RNF34: variants seen among roughly 807,000 people sequenced by gnomAD.
RNF34 encodes E3 ubiquitin-protein ligase RNF34.
In RNF34, 12 loss-of-function variants were observed where a neutral mutation model predicts 37.9. The observed-to-expected ratio is 0.32, with a 90% CI of 0.20 to 0.51. The LOEUF is 0.51. Among genes scored for constraint, RNF34 ranks in the 20% least tolerant of loss-of-function variants. RNF34 has a pLI of 0.97. For missense variants in RNF34, 362 were observed against 472.7 expected (o/e 0.77, Z 2.17); for synonymous variants, 155 against 177.2 (o/e 0.87, Z 1.00).
intron 3 of RNF34, among the ~76,000 whole-genome samples, chr12:121,419,691 G>A (rs1555282919): frequency 6.6e-6 from 1 of 152,172 alleles, no homozygotes. Context: ...AGAGATTTGT[G>A]TTTTCTAAAG....
At chr12:121,404,387 C>CTTTTTTTTTTTTTTTTT (rs782225104) in intron 1 of RNF34, among the ~76,000 whole-genome samples, 1 of 65,824 alleles carries the variant, frequency 1.5e-5, no homozygotes, top group African/African-American at 7.4e-5. Flanking sequence ...GTCATTTAAT[C>CTTTTTTTTTTTTTTTTT]TTTTTTTTTT....
chr12:121,423,879 ACACT>A lies in RNF34; in HGVS notation c.*304_*307del. On this transcript the variant is annotated 3_prime_UTR_variant, in exon 6 of 6. Coordinates refer to ENST00000361234, the MANE Select transcript of RNF34 (RefSeq NM_025126.4). This position sits in a 1 kb window ranked among gnomAD's most constrained non-coding sequence, Gnocchi z 4.3. ...CATCAGCCACTGCTGTCTTGGGAGGACACTTATCCTGTTCTCTTATTTCCCCTTC... is the reference window on the plus strand; with the variant it reads ...CATCAGCCACTGCTGTCTTGGGAGGATATCCTGTTCTCTTATTTCCCCTTC... 6.5e-6 allele frequency: 2 copies of A among 308,250 alleles called. No homozygotes were observed. Among genetic ancestry groups the A allele is most frequent in the Non-Finnish European group, 1.2e-5 (2 of 164,582 alleles). The allele number at this position is 308,250 out of a possible 1,614,324, so 19.1% of individuals were successfully genotyped here.
intron 1 of RNF34, among the ~76,000 whole-genome samples, chr12:121,414,669 CTGTTGT>C (rs199659743): frequency 1.3e-5 from 2 of 152,066 alleles, no homozygotes; most frequent in African/African-American, 4.8e-5. Context: ...AAATACTTTC[CTGTTGT>C]TGTTGTTGTT....
chr12:121,403,520 C>T (rs1362254871), intron 1 of RNF34, among the ~76,000 whole-genome samples: 2 of 151,920 alleles, frequency 1.3e-5, no homozygotes, highest in African/African-American at 4.8e-5. Context: ...ACTGTAAAAC[C>T]GATTATTTTA....
At chr12:121,421,535 TCAAAA>T (rs368894148) in intron 5 of RNF34, among the ~76,000 whole-genome samples, 127 of 152,112 alleles carry the variant, frequency 8.3e-4, no homozygotes, top group Middle Eastern at 3.4e-3. Flanking sequence ...CAAGACTGTC[TCAAAA>T]CAAAACAAAA....
intron 5 of RNF34, among the ~76,000 whole-genome samples, chr12:121,421,533 T>G (rs1872164502): frequency 6.6e-6 from 1 of 151,914 alleles, no homozygotes; most frequent in African/African-American, 2.4e-5. Flanking sequence ...AGCAAGACTG[T>G]CTCAAAACAA....
intron 1 of RNF34, among the ~76,000 whole-genome samples, chr12:121,408,126 C>G (rs917022049): frequency 6.6e-6 from 1 of 151,998 alleles, no homozygotes; most frequent in Non-Finnish European, 1.5e-5. Context: ...GGCAGCATAT[C>G]AAGACCCCGT....
At chr12:121,418,587 G>A (rs1010706657) in intron 3 of RNF34, 7 of 152,368 alleles carry the variant, frequency 4.6e-5, no homozygotes, top group African/African-American at 1.7e-4. Flanking sequence ...TGGATGCGGT[G>A]GTGTGAGCCT....
At chr12:121,421,670 TA>T (rs2137179889) in intron 5 of RNF34, among the ~76,000 whole-genome samples, 1 of 152,348 alleles carries the variant, frequency 6.6e-6, no homozygotes, top group African/African-American at 2.4e-5. Flanking sequence ...CAGTTGTATT[TA>T]TTTTTTTCTT....
Position 121,413,464 on chromosome 12 carries a change from T to C in RNF34, c.7-2695T>C, listed in dbSNP as rs552570553. ...TTTTGCTCTTTTGCCCAAGCTGGAG[T>C]GCGGTGGCACAATCTTGGTTCACTG... On this transcript the variant is annotated intron_variant, in intron 1 of 5. Coordinates refer to ENST00000361234, the MANE Select transcript of RNF34 (RefSeq NM_025126.4). Among the ~76,000 whole-genome samples the C allele has an allele frequency of 2.8e-5, 4 of 141,494 alleles. No homozygotes were observed. The South Asian group carries it at 9.4e-4, about 33-fold the overall frequency. 92.8% of individuals were successfully genotyped at this position (141,494 alleles called of 152,430 possible).
Position 121,400,197 on chromosome 12 carries a change from T to C in RNF34, c.-16T>C, listed in dbSNP as rs1555279826. The C allele has an allele frequency of 3.7e-6, 6 of 1,608,792 alleles. No individual in the cohort carries two copies. Among genetic ancestry groups the C allele is most frequent in the South Asian group, 2.2e-5 (2 of 90,598 alleles). ...AGTTTCCTGGTAGAGCCGGCCGAGC[T>C]GAGGCGGTCGCGGCCATGAAGGTGA... On this transcript the variant is annotated 5_prime_UTR_variant, in exon 1 of 6. Coordinates refer to ENST00000361234, the MANE Select transcript of RNF34 (RefSeq NM_025126.4).
At chr12:121,421,050 C>T (rs1872081663) in intron 5 of RNF34, among the ~76,000 whole-genome samples, 1 of 152,040 alleles carries the variant, frequency 6.6e-6, no homozygotes, top group Admixed American at 6.6e-5. Flanking sequence ...TTTGTTACAA[C>T]CCTAATTAAA....
intron 1 of RNF34, among the ~76,000 whole-genome samples, chr12:121,412,535 G>A (rs542445003): frequency 2.0e-5 from 3 of 151,782 alleles, no homozygotes; most frequent in South Asian, 2.1e-4. Flanking sequence ...GAGCCACCAC[G>A]CCTGGCCTAA....
At chr12:121,418,478 G>T (rs549153257) in intron 3 of RNF34, 2 of 152,580 alleles carry the variant, frequency 1.3e-5, no homozygotes, top group African/African-American at 2.4e-5. Flanking sequence ...TTACTTGTAC[G>T]TGAGTGATTC....
In RNF34 at chr12:121,423,702, T is replaced by G; in HGVS notation, c.*126T>G. 1.2e-6 allele frequency: 1 copy of G among 822,744 alleles called. No homozygotes were observed. Among genetic ancestry groups the G allele is most frequent in the Non-Finnish European group, 1.9e-6 (1 of 528,024 alleles). 51.0% of individuals were successfully genotyped at this position (822,744 alleles called of 1,614,324 possible). A position where few individuals can be genotyped will look rare whatever the true frequency, so the allele number is the denominator to read the frequency against. On this transcript the variant is annotated 3_prime_UTR_variant, in exon 6 of 6. Transcript: ENST00000361234. The surrounding 1 kb of genome is among the most constrained non-coding windows in gnomAD (Gnocchi z 4.3). ...TTAAAACATTATTTTGACTACTAAG[T>G]GGGGACAGAAAGATCCATCCTGAGT...
rs374643962 is a variant in RNF34 at position 121,410,966 on chromosome 12, A to G, written c.7-5193A>G. 1.0e-3 allele frequency among the ~76,000 whole-genome samples: 153 copies of G among 152,118 alleles called. No homozygotes were observed. The South Asian group carries it at 0.024, about 24-fold the overall frequency. On this transcript the variant is annotated intron_variant, in intron 1 of 5. Coordinates refer to ENST00000361234, the MANE Select transcript of RNF34 (RefSeq NM_025126.4). ...TTGTTTGTTTTTGAGACAGGGTCTCACTCCGTCACCCAGGCTGGAGTGCGG... is the reference window on the plus strand; with the variant it reads ...TTGTTTGTTTTTGAGACAGGGTCTCGCTCCGTCACCCAGGCTGGAGTGCGG...
chr12:121,403,823 T>C (rs1001137130), intron 1 of RNF34, among the ~76,000 whole-genome samples: 1 of 152,128 alleles, frequency 6.6e-6, no homozygotes, highest in Non-Finnish European at 1.5e-5. Flanking sequence ...TAGACGCTTA[T>C]GAGAAGAGTC....
intron 1 of RNF34, among the ~76,000 whole-genome samples, chr12:121,408,057 G>T (rs782716204): frequency 6.6e-6 from 1 of 152,168 alleles, no homozygotes; most frequent in Non-Finnish European, 1.5e-5. Flanking sequence ...TGTAATCCCA[G>T]TGATTTGGGA....
intron 1 of RNF34, among the ~76,000 whole-genome samples, chr12:121,404,475 G>A (rs1278020233): frequency 8.0e-6 from 1 of 125,584 alleles, no homozygotes; most frequent in Non-Finnish European, 1.6e-5. Context: ...GCTTACTGCA[G>A]TCTCCGCCTC....
Sources: allele counts gnomAD v4.1 joint callset (sites outside exome capture counted in the v4.1 genomes callset), GRCh38; gene constraint gnomAD v4.1.1; non-coding constraint Gnocchi (gnomAD v3.1); transcripts MANE v1.5; gene names NCBI Gene and HGNC (gene_info 2026-07-23, HGNC 2026-07-21).